The following ACTN1 variants were observed in gnomAD, a reference collection of about 807,000 sequenced individuals.
The protein encoded by ACTN1 is alpha-actinin-1.
In ACTN1, 30 loss-of-function variants were observed where a neutral mutation model predicts 119.6. That is an observed-to-expected ratio of 0.25 (90% confidence interval 0.19 to 0.34). ACTN1 has a LOEUF of 0.34. Ranked by LOEUF, ACTN1 falls within the 10% of genes least tolerant of loss-of-function variation. The pLI is 1.00. For missense variants in ACTN1, 764 were observed against 1,223.4 expected (o/e 0.62, Z 5.60); for synonymous variants, 429 against 472.6 (o/e 0.91, Z 1.20).
At chr14:68,947,747 T>C (rs2035989290) in intron 1 of ACTN1, among the ~76,000 whole-genome samples, 1 of 152,138 alleles carries the variant, frequency 6.6e-6, no homozygotes, top group Non-Finnish European at 1.5e-5. Context: ...TGTCCCCAAA[T>C]ATGAGGAATA....
rs1390517432 is a variant in ACTN1, at chr14:68,911,203, GCTT to G, written c.427+950_427+952del. Among the ~76,000 whole-genome samples the G allele has an allele frequency of 1.2e-4, 18 of 152,310 alleles. No homozygotes were observed. The Middle Eastern group carries it at 0.017, about 144-fold the overall frequency. Reference sequence around the variant, plus strand: ...CAATTTAAAAATTGGAAAAGCTAATGCTTCTACTTAGCTTAAGCTCTTCGTCAG... The same window carrying G: ...CAATTTAAAAATTGGAAAAGCTAATGCTACTTAGCTTAAGCTCTTCGTCAG... On this transcript the variant is annotated intron_variant, in intron 4 of 21. Coordinates refer to ENST00000394419, the MANE Select transcript of ACTN1 (RefSeq NM_001130004.2).
chr14:68,977,076 A>AGGAGG (rs1236789660), intron 1 of ACTN1, among the ~76,000 whole-genome samples: 3 of 152,268 alleles, frequency 2.0e-5, no homozygotes, highest in Admixed American at 1.3e-4. Flanking sequence ...CCTAGTTCCT[A>AGGAGG]GGCAGCTCTG....
rs994333777 is a variant in ACTN1 at position 68,925,969 on chromosome 14, C to A, written c.106-297G>T. On this transcript the variant is annotated intron_variant, in intron 1 of 21. Coordinates refer to ENST00000394419, the MANE Select transcript of ACTN1 (RefSeq NM_001130004.2). The surrounding 1 kb of genome is among the most constrained non-coding windows in gnomAD (Gnocchi z 4.3). ...GCCCTCTCTCAAAGACTCATGCCCA[C>A]CCACATTTGAAAATGCCACAATTCC... 1.3e-5 allele frequency among the ~76,000 whole-genome samples: 2 copies of A among 152,332 alleles called. No individual in the cohort carries two copies. The highest frequency in any genetic ancestry group is 2.1e-4 in the South Asian group (1 of 4,824).
intron 3 of ACTN1, among the ~76,000 whole-genome samples, chr14:68,915,071 C>T (rs890779961): frequency 1.3e-5 from 2 of 152,170 alleles, no homozygotes; most frequent in Non-Finnish European, 2.9e-5. Context: ...TTATCACACC[C>T]CGTACTTAGA....
At chr14:68,957,223 C>T (rs575748758) in intron 1 of ACTN1, among the ~76,000 whole-genome samples, 48 of 152,348 alleles carry the variant, frequency 3.2e-4, no homozygotes, top group Non-Finnish European at 5.4e-4. Flanking sequence ...ACATCTCTAA[C>T]AGAGTCTGTC....
intron 1 of ACTN1, among the ~76,000 whole-genome samples, chr14:68,945,169 A>AG (rs1014648433): frequency 1.3e-5 from 2 of 151,428 alleles, no homozygotes; most frequent in Non-Finnish European, 2.9e-5. Context: ...GGTTCAAAAA[A>AG]AAAAAAAAGA....
rs2034854830 is a variant in ACTN1, at chr14:68,925,139, T to C, written c.220+419A>G. On this transcript the variant is annotated intron_variant, in intron 2 of 21. Transcript: ENST00000394419. The surrounding 1 kb of genome is among the most constrained non-coding windows in gnomAD (Gnocchi z 4.3). Reference sequence around the variant, plus strand: ...AAGCAGGATGAGATGTGTGTTCCAGTAGAGCTGTCCCTCCAGACATCTGGA... The same window carrying C: ...AAGCAGGATGAGATGTGTGTTCCAGCAGAGCTGTCCCTCCAGACATCTGGA... Among the ~76,000 whole-genome samples the C allele has an allele frequency of 6.6e-6, 1 of 152,056 alleles. No homozygotes were observed. Among genetic ancestry groups the C allele is most frequent in the Admixed American group, 6.5e-5 (1 of 15,280 alleles).
rs150775475 is a variant in ACTN1 at position 68,936,730 on chromosome 14, T to C, written c.106-11058A>G. On this transcript the variant is annotated intron_variant, in intron 1 of 21. Coordinates refer to ENST00000394419, the MANE Select transcript of ACTN1 (RefSeq NM_001130004.2). ...AGGGGCTTTGACAAAGCCTATGTTG[T>C]CCTTGGCCAGTTTCTGGTGCTGAAG... is the stretch of plus-strand genomic sequence containing the variant. The C allele has an allele frequency of 3.9e-4, 251 of 635,712 alleles. 3 individuals are homozygous for C. The African/African-American group carries it at 4.1e-3, about 10-fold the overall frequency. The allele number at this position is 635,712 out of a possible 1,614,324, so 39.4% of individuals were successfully genotyped here.
intron 8 of ACTN1, among the ~76,000 whole-genome samples, chr14:68,898,481 T>G (rs1445298591): frequency 6.6e-6 from 1 of 152,124 alleles, no homozygotes; most frequent in Non-Finnish European, 1.5e-5. Flanking sequence ...CATACAAGGT[T>G]GGGCGACAGA....
intron 8 of ACTN1, among the ~76,000 whole-genome samples, chr14:68,901,467 C>T (rs1435851438): frequency 6.6e-6 from 1 of 152,026 alleles, no homozygotes; most frequent in Admixed American, 6.6e-5. Context: ...AGGCTGGTCT[C>T]GAACTCCTGG....
chr14:68,879,939 A>G lies in ACTN1; in HGVS notation c.2280+23T>C. The G allele has an allele frequency of 6.2e-7, 1 of 1,611,880 alleles. No individual in the cohort carries two copies. Among genetic ancestry groups the G allele is most frequent in the South Asian group, 1.1e-5 (1 of 91,002 alleles). On this transcript the variant is annotated intron_variant, in intron 18 of 21. Coordinates refer to ENST00000394419, the MANE Select transcript of ACTN1 (RefSeq NM_001130004.2). This position sits in a 1 kb window ranked among gnomAD's most constrained non-coding sequence, Gnocchi z 4.9. Reference sequence around the variant, plus strand: ...GGCAGGGGTTGGGGGCTGCACTAAGAAAGCACAGGATGGGGCTCTCACCCG... The same window carrying G: ...GGCAGGGGTTGGGGGCTGCACTAAGGAAGCACAGGATGGGGCTCTCACCCG...
In ACTN1 at chr14:68,879,927, G is replaced by T; in HGVS notation, c.2280+35C>A. On this transcript the variant is annotated intron_variant, in intron 18 of 21. Coordinates refer to ENST00000394419, the MANE Select transcript of ACTN1 (RefSeq NM_001130004.2). This position sits in a 1 kb window ranked among gnomAD's most constrained non-coding sequence, Gnocchi z 4.9. Reference sequence around the variant, plus strand: ...CCAGGGCCCTGGGGCAGGGGTTGGGGGCTGCACTAAGAAAGCACAGGATGG... The same window carrying T: ...CCAGGGCCCTGGGGCAGGGGTTGGGTGCTGCACTAAGAAAGCACAGGATGG... 1 of 1,609,406 alleles carries T rather than the reference G, an allele frequency of 6.2e-7. No individual in the cohort carries two copies. The highest frequency in any genetic ancestry group is 8.5e-7 in the Non-Finnish European group (1 of 1,176,406).
At chr14:68,965,800 A>G (rs534027341) in intron 1 of ACTN1, among the ~76,000 whole-genome samples, 1 of 152,356 alleles carries the variant, frequency 6.6e-6, no homozygotes, top group East Asian at 1.9e-4. Flanking sequence ...TCCTCCCTAG[A>G]GGGTGAGAAC....
At chr14:68,965,154 G>A (rs1413067828) in intron 1 of ACTN1, among the ~76,000 whole-genome samples, 1 of 152,204 alleles carries the variant, frequency 6.6e-6, no homozygotes, top group Non-Finnish European at 1.5e-5. Flanking sequence ...AGCCCCACAA[G>A]GAATGAACTC....
chr14:68,957,038 C>T (rs2036372941), intron 1 of ACTN1, among the ~76,000 whole-genome samples: 1 of 152,104 alleles, frequency 6.6e-6, no homozygotes, highest in Admixed American at 6.5e-5. Context: ...CCCTTCTCTG[C>T]CCCAAGGAAA....
chr14:68,975,188 G>A (rs570348403), intron 1 of ACTN1, among the ~76,000 whole-genome samples: 5 of 152,312 alleles, frequency 3.3e-5, no homozygotes, highest in South Asian at 4.1e-4. Flanking sequence ...GCAGAATCGG[G>A]ATGTGGGCCT....
intron 1 of ACTN1, among the ~76,000 whole-genome samples, chr14:68,967,844 T>C (rs1466174659): frequency 2.0e-5 from 3 of 152,202 alleles, no homozygotes; most frequent in Non-Finnish European, 2.9e-5. Context: ...AAACTCTACA[T>C]GCAGCCCAAG....
chr14:68,970,744 CAG>C (rs2036857084), intron 1 of ACTN1, among the ~76,000 whole-genome samples: 1 of 152,314 alleles, frequency 6.6e-6, no homozygotes, highest in East Asian at 1.9e-4. Flanking sequence ...CTGAAAAACA[CAG>C]AGAAATACAA....
intron 3 of ACTN1, among the ~76,000 whole-genome samples, chr14:68,913,318 A>G (rs1036793453): frequency 6.6e-6 from 1 of 152,182 alleles, no homozygotes; most frequent in Admixed American, 6.5e-5. Context: ...CCCACTCATC[A>G]CCTGCTTCCA....
Sources: gnomAD v4.1 joint callset for allele counts (sites outside exome capture counted in the v4.1 genomes callset) on GRCh38, gnomAD v4.1.1 for gene constraint, Gnocchi (gnomAD v3.1) non-coding constraint, MANE v1.5 for transcripts, NCBI Gene and HGNC (gene_info 2026-07-23, HGNC 2026-07-21) for gene names.